Variants in SKAP2 observed in about 807,000 individuals in gnomAD.
SKAP2 encodes the protein src kinase-associated phosphoprotein 2.
Under a neutral mutation model 54.9 loss-of-function variants are expected in SKAP2, and 28 were observed. The observed-to-expected ratio is 0.51, with a 90% CI of 0.38 to 0.70. The LOEUF (loss-of-function observed/expected upper bound fraction) is 0.70. Ranked by LOEUF, SKAP2 falls within the 30% of genes least tolerant of loss-of-function variation. The probability of loss-of-function intolerance (pLI) is 0.00; values close to 1 mark genes in which losing one functional copy is unlikely to be tolerated. For missense variants in SKAP2, 356 were observed against 424.1 expected (o/e 0.84, Z 1.41); for synonymous variants, 137 against 134.3 (o/e 1.02, Z -0.14).
At chr7:26,730,469 T>C (rs942992539) in intron 6 of SKAP2, among the ~76,000 whole-genome samples, 1 of 152,188 alleles carries the variant, frequency 6.6e-6, no homozygotes, top group African/African-American at 2.4e-5. Context: ...TTCTAAAATA[T>C]ATACTTGCCT....
At chr7:26,788,088 G>A (rs1266698312) in intron 4 of SKAP2, among the ~76,000 whole-genome samples, 2 of 152,188 alleles carry the variant, frequency 1.3e-5, no homozygotes, top group Non-Finnish European at 2.9e-5. Context: ...TTGGTCAGAA[G>A]AAGGTATTAA....
intron 4 of SKAP2, among the ~76,000 whole-genome samples, chr7:26,786,064 A>G (rs1783538011): frequency 6.6e-6 from 1 of 152,188 alleles, no homozygotes; most frequent in African/African-American, 2.4e-5. Context: ...GACAGGGCAC[A>G]ACTGGAAAAG....
At chr7:26,713,296 A>G (rs1019562674) in intron 9 of SKAP2, among the ~76,000 whole-genome samples, 3 of 152,184 alleles carry the variant, frequency 2.0e-5, no homozygotes, top group African/African-American at 7.2e-5. Flanking sequence ...TTATCCTCTT[A>G]TCTTGTGTCA....
chr7:26,758,769 A>C (rs961722976), intron 4 of SKAP2, among the ~76,000 whole-genome samples: 1 of 152,366 alleles, frequency 6.6e-6, no homozygotes, highest in South Asian at 2.1e-4. Context: ...TTTTTAGAGT[A>C]ATAAAAAGTT....
chr7:26,860,065 A>G (rs1447466265), intron 1 of SKAP2, among the ~76,000 whole-genome samples: 1 of 152,182 alleles, frequency 6.6e-6, no homozygotes, highest in Non-Finnish European at 1.5e-5. Context: ...TGGTAACAGG[A>G]GCAATAAGCC....
At chr7:26,799,269 G>A (rs184217873) in intron 4 of SKAP2, among the ~76,000 whole-genome samples, 67 of 141,712 alleles carry the variant, frequency 4.7e-4, no homozygotes, top group African/African-American at 1.5e-3. Flanking sequence ...AGACACAGAC[G>A]GGCTGAATGG....
intron 4 of SKAP2, among the ~76,000 whole-genome samples, chr7:26,808,396 A>G (rs1426679636): frequency 6.6e-6 from 1 of 152,232 alleles, no homozygotes; most frequent in Non-Finnish European, 1.5e-5. Flanking sequence ...CTTTACTCAC[A>G]TGAAGTACCT....
At chr7:26,802,047 G>A (rs1251177382) in intron 4 of SKAP2, among the ~76,000 whole-genome samples, 4 of 152,134 alleles carry the variant, frequency 2.6e-5, no homozygotes, top group African/African-American at 9.6e-5. Context: ...AACAGCCAAT[G>A]TTACCCTAAG....
chr7:26,783,062 A>T (rs551400736), intron 4 of SKAP2, among the ~76,000 whole-genome samples: 3 of 152,276 alleles, frequency 2.0e-5, no homozygotes, highest in African/African-American at 7.2e-5. Context: ...TGAGCTCCAG[A>T]CCAGTATCTA....
intron 4 of SKAP2, among the ~76,000 whole-genome samples, chr7:26,806,465 T>A (rs1784025905): frequency 6.6e-6 from 1 of 152,192 alleles, no homozygotes; most frequent in African/African-American, 2.4e-5. Flanking sequence ...TGGTCCCAGC[T>A]ACTCAGGAAA....
chr7:26,655,654 A>G, the SKAP2 span, among the ~76,000 whole-genome samples: 13 of 152,266 alleles, frequency 8.5e-5, no homozygotes, highest in Middle Eastern at 3.4e-3. Flanking sequence ...TATTTCTGTA[A>G]CACCGTACAC....
intron 4 of SKAP2, among the ~76,000 whole-genome samples, chr7:26,803,342 T>G (rs1656888232): frequency 6.6e-6 from 1 of 152,132 alleles, no homozygotes; most frequent in Non-Finnish European, 1.5e-5. Flanking sequence ...AAAGAAGACA[T>G]GCAAATGGCA....
chr7:26,844,263 T>C, intron 3 of SKAP2, 126 bp from the exon 4 acceptor site: 1 of 594,918 alleles, frequency 1.7e-6, no homozygotes, highest in South Asian at 2.2e-5. Context: ...GTCATTGTCA[T>C]GGAAAAACAA....
chr7:26,656,122 G>A, the SKAP2 span, among the ~76,000 whole-genome samples: 2 of 152,150 alleles, frequency 1.3e-5, no homozygotes, highest in African/African-American at 2.4e-5. Context: ...CTTTGCCTTT[G>A]CTCAGTGTAA....
intron 4 of SKAP2, among the ~76,000 whole-genome samples, chr7:26,794,093 C>T (rs938885761): frequency 6.6e-6 from 1 of 152,174 alleles, no homozygotes; most frequent in Non-Finnish European, 1.5e-5. Context: ...CTATCCCCAG[C>T]AGGAGCCCAA....
chr7:26,664,974 C>T (rs1786080397), downstream of SKAP2, among the ~76,000 whole-genome samples: 1 of 152,094 alleles, frequency 6.6e-6, no homozygotes, highest in Admixed American at 6.6e-5. Flanking sequence ...GGACTCAAAG[C>T]ACTCAAGTTA....
chr7:26,734,647 T>C (rs1787886270), intron 6 of SKAP2, among the ~76,000 whole-genome samples: 1 of 152,186 alleles, frequency 6.6e-6, no homozygotes, highest in Non-Finnish European at 1.5e-5. Context: ...GCAGGGTCAG[T>C]GCCTAGTGAG....
At chr7:26,792,018 A>C (rs1417737799) in intron 4 of SKAP2, among the ~76,000 whole-genome samples, 1 of 152,248 alleles carries the variant, frequency 6.6e-6, no homozygotes, top group African/African-American at 2.4e-5. Context: ...CAATAAAGGA[A>C]GGAACTACAG....
chr7:26,705,910 A>T (rs528539473), intron 9 of SKAP2, among the ~76,000 whole-genome samples: 13 of 152,336 alleles, frequency 8.5e-5, no homozygotes, highest in African/African-American at 3.1e-4. Flanking sequence ...AGGGACATAC[A>T]TACACACTTC....
Sources: allele counts gnomAD v4.1 joint callset (sites outside exome capture counted in the v4.1 genomes callset), GRCh38; gene constraint gnomAD v4.1.1; transcripts MANE v1.5; gene names NCBI Gene and HGNC (gene_info 2026-07-23, HGNC 2026-07-21).